Variants in VWA8 observed in about 807,000 individuals in gnomAD.
The protein encoded by VWA8 is von Willebrand factor A domain containing 8.
VWA8 carries 221 observed loss-of-function variants against 241.5 expected under a neutral mutation model. The observed-to-expected ratio is 0.91, with a 90% CI of 0.82 to 1.02. VWA8 has a LOEUF of 1.02. Ranked by LOEUF, VWA8 falls within the 50% of genes least tolerant of loss-of-function variation. The pLI is 0.00. For missense variants in VWA8, 2,322 were observed against 2,328.7 expected (o/e 1.00, Z 0.06); for synonymous variants, 852 against 827.1 (o/e 1.03, Z -0.52).
chr13:41,690,091 T>G, intron 33 of VWA8, 75 bp downstream of exon 33: 1 of 1,308,888 alleles, frequency 7.6e-7, no homozygotes, highest in South Asian at 1.6e-5. Context: ...GTTTTGTTCT[T>G]AAATGATTCT....
rs141363411 is a variant in VWA8, at chr13:41,787,482, T to C, written c.2125A>G (p.Ile709Val). ...GGCTCCAAATTGTCATCAGTATTTA[T>C]TTCTATTGTAGCATCTGCCAGATTT... ...EKNLADATIE[I>V]NTDDNLEPEL... The change falls in exon 18 of 45, where the codon ATA becomes GTA. Residue 709 changes from isoleucine (I) to valine (V), a missense_variant. Coordinates refer to ENST00000379310, the MANE Select transcript of VWA8 (RefSeq NM_015058.2). The C allele has an allele frequency of 3.1e-6, 5 of 1,612,778 alleles. No individual in the cohort carries two copies. Among genetic ancestry groups the C allele is most frequent in the African/African-American group, 2.7e-5 (2 of 74,796 alleles).
chr13:41,834,211 A>C (rs1871615458), intron 12 of VWA8, among the ~76,000 whole-genome samples: 1 of 152,268 alleles, frequency 6.6e-6, no homozygotes, highest in Admixed American at 6.5e-5. Context: ...CAAACTATTA[A>C]TAGTTGTGGC....
At chr13:41,684,156 T>A (rs1593695305) in intron 35 of VWA8, among the ~76,000 whole-genome samples, 1 of 152,082 alleles carries the variant, frequency 6.6e-6, no homozygotes, top group African/African-American at 2.4e-5. Context: ...ACAAAAAAAA[T>A]TTTAAGGAAA....
At chr13:41,780,571 T>C (rs977240726) in intron 19 of VWA8, among the ~76,000 whole-genome samples, 4 of 152,162 alleles carry the variant, frequency 2.6e-5, no homozygotes, top group African/African-American at 7.2e-5. Context: ...GCATCTACCC[T>C]TTCTTTTCCA....
chr13:41,613,916 C>T (rs1051985937), intron 38 of VWA8, among the ~76,000 whole-genome samples: 2 of 152,124 alleles, frequency 1.3e-5, no homozygotes, highest in African/African-American at 4.8e-5. Context: ...AACTAAAAGC[C>T]AGGTGAAACA....
intron 24 of VWA8, among the ~76,000 whole-genome samples, chr13:41,726,660 A>G (rs1368405743): frequency 1.3e-5 from 2 of 152,174 alleles, no homozygotes; most frequent in Non-Finnish European, 2.9e-5. Context: ...TTAGATATGA[A>G]GCCCAAGTCC....
At chr13:41,687,790 T>C (rs1327532244) in intron 34 of VWA8, among the ~76,000 whole-genome samples, 1 of 152,142 alleles carries the variant, frequency 6.6e-6, no homozygotes, top group East Asian at 1.9e-4. Flanking sequence ...CAAATACTCA[T>C]TAAATACCTC....
intron 12 of VWA8, among the ~76,000 whole-genome samples, chr13:41,839,279 G>A (rs983857952): frequency 2.6e-5 from 4 of 152,132 alleles, no homozygotes; most frequent in African/African-American, 9.7e-5. Context: ...ATGTCTGTTG[G>A]CTGCATAAAT....
chr13:41,826,665 T>C (rs147907773), intron 14 of VWA8, among the ~76,000 whole-genome samples: 101 of 151,962 alleles, frequency 6.6e-4, no homozygotes, highest in African/African-American at 2.2e-3. Flanking sequence ...AGGCCAGCAG[T>C]TTAAGACATG....
chr13:41,858,528 C>A (rs1406258518), intron 12 of VWA8, among the ~76,000 whole-genome samples: 2 of 151,966 alleles, frequency 1.3e-5, no homozygotes, highest in African/African-American at 4.8e-5. Context: ...ATCACTTGAA[C>A]CCGGGAGGCG....
At chr13:41,722,578 G>A (rs190837497) in intron 24 of VWA8, among the ~76,000 whole-genome samples, 1 of 152,158 alleles carries the variant, frequency 6.6e-6, no homozygotes, top group East Asian at 1.9e-4. Context: ...GTGAAGAATG[G>A]CTTTTGCCTT....
chr13:41,837,226 C>T (rs531439598), intron 12 of VWA8, among the ~76,000 whole-genome samples: 1 of 152,194 alleles, frequency 6.6e-6, no homozygotes, highest in Admixed American at 6.5e-5. Context: ...TTCTAATAAA[C>T]CTTTGCATCA....
chr13:41,643,329 C>T (rs2044809044), intron 37 of VWA8, among the ~76,000 whole-genome samples: 1 of 152,174 alleles, frequency 6.6e-6, no homozygotes, highest in South Asian at 2.1e-4. Context: ...CTGAACTTTT[C>T]CGATCTGGAC....
At chr13:41,835,897 A>C (rs1566475907) in intron 12 of VWA8, among the ~76,000 whole-genome samples, 1 of 151,860 alleles carries the variant, frequency 6.6e-6, no homozygotes, top group Non-Finnish European at 1.5e-5. Flanking sequence ...TTGGAAAAGT[A>C]AAAAAAGAAA....
chr13:41,696,642 G>C (rs2045217381), intron 29 of VWA8, among the ~76,000 whole-genome samples: 1 of 152,166 alleles, frequency 6.6e-6, no homozygotes, highest in Admixed American at 6.5e-5. Context: ...GTGGCTGAGA[G>C]CTACCCTCAC....
intron 1 of VWA8, among the ~76,000 whole-genome samples, chr13:41,950,409 C>A (rs1237922653): frequency 6.6e-6 from 1 of 151,906 alleles, no homozygotes; most frequent in African/African-American, 2.4e-5. Context: ...CACTCTGTCA[C>A]CTGGGCTGGA....
At chr13:41,943,661 T>C (rs1181833692) in intron 2 of VWA8, among the ~76,000 whole-genome samples, 1 of 152,202 alleles carries the variant, frequency 6.6e-6, no homozygotes, top group Middle Eastern at 3.2e-3. Flanking sequence ...AAAAAACTTT[T>C]GCAACTCAAT....
intron 36 of VWA8, among the ~76,000 whole-genome samples, chr13:41,674,109 C>T (rs2045043939): frequency 6.6e-6 from 1 of 152,156 alleles, no homozygotes; most frequent in Non-Finnish European, 1.5e-5. Context: ...TCCAAGAAGT[C>T]ATACTTATAT....
rs78606450 is a variant in VWA8 at position 41,635,272 on chromosome 13, A to G, written c.4612-20188T>C. 1.2e-3 allele frequency among the ~76,000 whole-genome samples: 176 copies of G among 152,302 alleles called. 1 individual carries two copies. Among genetic ancestry groups the G allele is most frequent in the African/African-American group, 4.1e-3 (171 of 41,572 alleles). ...TATCATATGTAGGGATGGGAAAGTG[A>G]AAGAGTGCTCAATCCTGAATGTCTA... is the stretch of plus-strand genomic sequence containing the variant. On this transcript the variant is annotated intron_variant, in intron 37 of 44. Coordinates refer to ENST00000379310, the MANE Select transcript of VWA8 (RefSeq NM_015058.2).
Sources: gnomAD v4.1 joint callset for allele counts (sites outside exome capture counted in the v4.1 genomes callset) on GRCh38, gnomAD v4.1.1 for gene constraint, MANE v1.5 for transcripts, NCBI Gene and HGNC (gene_info 2026-07-23, HGNC 2026-07-21) for gene names.